OR2Z1: variants seen among roughly 807,000 people sequenced by gnomAD.
OR2Z1 encodes olfactory receptor 2Z1.
For missense variants in OR2Z1, 449 were observed against 401.8 expected, an observed-to-expected ratio of 1.12 and a Z score of -1.00; for synonymous variants, 188 against 160.6, an observed-to-expected ratio of 1.17 and a Z score of -1.29.
intron 2 of OR2Z1, among the ~76,000 whole-genome samples, chr19:8,725,234 A>G (rs1394310359): frequency 6.6e-6 from 1 of 152,030 alleles, no homozygotes; most frequent in African/African-American, 2.4e-5. Context: ...ACTCCCATAC[A>G]TCTTTGTTTT....
intron 2 of OR2Z1, chr19:8,729,090 C>CTT (rs35001928): frequency 9.9e-4 from 1,129 of 1,141,750 alleles, no homozygotes; most frequent in Non-Finnish European, 1.3e-3. Flanking sequence ...CATGTGGGAT[C>CTT]TTTTTTTTAG....
At chr19:8,728,094 C>T (rs1315025985) in intron 2 of OR2Z1, among the ~76,000 whole-genome samples, 1 of 152,202 alleles carries the variant, frequency 6.6e-6, no homozygotes, top group Non-Finnish European at 1.5e-5. Flanking sequence ...CACTCCTGTC[C>T]TCTTTGCTTT....
chr19:8,727,316 T>C (rs1386935720), intron 2 of OR2Z1, among the ~76,000 whole-genome samples: 1 of 152,178 alleles, frequency 6.6e-6, no homozygotes, highest in Non-Finnish European at 1.5e-5. Flanking sequence ...GAGACACTCT[T>C]CCTCAGCCCC....
intron 1 of OR2Z1, among the ~76,000 whole-genome samples, chr19:8,722,423 A>T (rs1470298139): frequency 6.6e-6 from 1 of 152,156 alleles, no homozygotes; most frequent in Non-Finnish European, 1.5e-5. Flanking sequence ...GAAGATAAAT[A>T]ATGTAGCTCC....
rs782266389 is a variant in OR2Z1 at position 8,731,817 on chromosome 19, C to G, written c.789C>G (p.Cys263Trp). 1 of 1,614,212 alleles carries G rather than the reference C, an allele frequency of 6.2e-7. No homozygotes were observed. Among genetic ancestry groups the G allele is most frequent in the South Asian group, 1.1e-5 (1 of 91,088 alleles). Residue 263 changes from cysteine (C) to tryptophan (W), a missense_variant, in exon 3 of 3, where the codon TGC (cysteine) becomes TGG (tryptophan). Transcript: ENST00000641125. Reference sequence around the variant, plus strand: ...CCGTGTTCATGTACATGGTGCCTTGCGCCTACCACAGTCCACAGCAGGATA... The same window carrying G: ...CCGTGTTCATGTACATGGTGCCTTGGGCCTACCACAGTCCACAGCAGGATA... ...GAAVFMYMVPCAYHSPQQDNV... is the reference protein window; with the variant it reads ...GAAVFMYMVPWAYHSPQQDNV...
Position 8,730,837 on chromosome 19 carries a change from CTGAT to C in OR2Z1, c.-169-21_-169-18del. ...ATCCCATGCCTTGGATAGACACTAA[CTGAT>C]TAAGTTTTCTCCCTCCAGCCTACTG... On this transcript the variant is annotated intron_variant, in intron 2 of 2. Coordinates refer to ENST00000641125, the MANE Select transcript of OR2Z1 (RefSeq NM_001004699.3). 1.7e-6 allele frequency: 1 copy of C among 605,262 alleles called. No homozygotes were observed. The highest frequency in any genetic ancestry group is 2.9e-5 in the Admixed American group (1 of 33,946). The allele number at this position is 605,262 out of a possible 1,614,324, so 37.5% of individuals were successfully genotyped here.
intron 1 of OR2Z1, among the ~76,000 whole-genome samples, chr19:8,722,770 A>G (rs2043312297): frequency 6.6e-6 from 1 of 152,142 alleles, no homozygotes. Context: ...TGTGAGGCCA[A>G]GATGGGGAGG....
rs2043350447 is a variant in OR2Z1, at chr19:8,731,040, G to A, written c.12G>A (p.Val4=). 1.9e-6 allele frequency: 3 copies of A among 1,614,012 alleles called. No individual in the cohort carries two copies. Among genetic ancestry groups the A allele is most frequent in the African/African-American group, 1.3e-5 (1 of 75,034 alleles). The change falls in exon 3 of 3, where the codon GTG becomes GTA. Residue 4 remains valine (V), a synonymous_variant. Transcript: ENST00000641125. MGD[V]NQSVASDFIL... is the part of the protein sequence containing the mutation. The stretch of plus-strand genomic sequence containing the variant: ...GCATTGTGTAAAACATGGGGGATGT[G>A]AATCAGTCGGTGGCCTCAGACTTCA...
chr19:8,727,572 A>C (rs1210971276), intron 2 of OR2Z1, among the ~76,000 whole-genome samples: 4 of 152,188 alleles, frequency 2.6e-5, no homozygotes, highest in Admixed American at 2.6e-4. Flanking sequence ...ATAAAAAAAA[A>C]CAACTCAGTT....
intron 2 of OR2Z1, among the ~76,000 whole-genome samples, chr19:8,728,040 G>A (rs1289128988): frequency 1.3e-5 from 2 of 152,198 alleles, no homozygotes; most frequent in East Asian, 3.8e-4. Flanking sequence ...ATAAATACTG[G>A]CGTAAAGCAA....
Position 8,731,678 on chromosome 19 carries a change from C to T in OR2Z1, c.650C>T (p.Ser217Phe). The T allele has an allele frequency of 6.2e-7, 1 of 1,614,228 alleles. No individual in the cohort carries two copies. The highest frequency in any genetic ancestry group is 1.1e-5 in the South Asian group (1 of 91,088). The change falls in exon 3 of 3, where the codon TCC (serine) becomes TTC (phenylalanine). Residue 217 changes from serine to phenylalanine, a missense_variant. Coordinates refer to ENST00000641125, the MANE Select transcript of OR2Z1 (RefSeq NM_001004699.3). ...CTCCCTCTTTCCCTCATCGCCACCT[C>T]CTACGGCCACGTGTTGCAGGCTGTT... ...LMLPLSLIAT[S>F]YGHVLQAVLS...
intron 2 of OR2Z1, among the ~76,000 whole-genome samples, chr19:8,727,877 A>T (rs987906605): frequency 8.5e-5 from 13 of 152,218 alleles, no homozygotes; most frequent in African/African-American, 2.2e-4. Flanking sequence ...AACCAAAACA[A>T]AACCAAACCA....
At chr19:8,730,727 A>T in intron 2 of OR2Z1, 133 bp from the exon 3 acceptor site, 1 of 382,952 alleles carries the variant, frequency 2.6e-6, no homozygotes, top group Non-Finnish European at 4.7e-6. Context: ...CGAACCTCAA[A>T]TTTTTCACTA....
At chr19:8,727,693 C>CCTGT (rs2043333404) in intron 2 of OR2Z1, among the ~76,000 whole-genome samples, 1 of 152,210 alleles carries the variant, frequency 6.6e-6, no homozygotes, top group African/African-American at 2.4e-5. Flanking sequence ...ATGGTGAAAC[C>CCTGT]CTGTCTCTAC....
Position 8,731,603 on chromosome 19 carries a change from C to T in OR2Z1, c.575C>T (p.Thr192Ile). 6.2e-7 allele frequency: 1 copy of T among 1,613,504 alleles called. No homozygotes were observed. Among genetic ancestry groups the T allele is most frequent in the Non-Finnish European group, 8.5e-7 (1 of 1,180,010 alleles). The change falls in exon 3 of 3, where the codon ACC becomes ATC. Residue 192 changes from threonine (T) to isoleucine (I), a missense_variant. Physicochemically the swap from Thr to Ile is moderately conservative, Grantham distance 89. Coordinates refer to ENST00000641125, the MANE Select transcript of OR2Z1 (RefSeq NM_001004699.3). Reference protein sequence around the residue: ...PALLKLSCADTCAYEMALSTS... With the variant: ...PALLKLSCADICAYEMALSTS... The stretch of plus-strand genomic sequence containing the variant: ...CTACTGAAGCTCTCCTGTGCAGATA[C>T]CTGTGCCTACGAGATGGCGCTGTCC...
chr19:8,729,782 G>T (rs1393779120), intron 2 of OR2Z1, among the ~76,000 whole-genome samples: 5 of 152,060 alleles, frequency 3.3e-5, no homozygotes, highest in African/African-American at 1.2e-4. Context: ...TAGAGATGGG[G>T]TTTCTCCATG....
chr19:8,724,201 C>G (rs1159167462), intron 2 of OR2Z1, among the ~76,000 whole-genome samples: 1 of 150,928 alleles, frequency 6.6e-6, no homozygotes, highest in Non-Finnish European at 1.5e-5. Context: ...TTCTCATCCC[C>G]AAAATTCATA....
chr19:8,722,089 C>T (rs2043309990), intron 1 of OR2Z1, 47 bp downstream of exon 1: 1 of 152,140 alleles, frequency 6.6e-6, no homozygotes, highest in South Asian at 2.1e-4. Context: ...AACTTTAGTT[C>T]CAACAATCAT....
Position 8,731,771 on chromosome 19 carries a change from T to C in OR2Z1, c.743T>C (p.Val248Ala), listed in dbSNP as rs782628937. The C allele has an allele frequency of 1.1e-5, 17 of 1,614,118 alleles. No individual in the cohort carries two copies. The highest frequency in any genetic ancestry group is 1.4e-5 in the Non-Finnish European group (17 of 1,180,048). The change falls in exon 3 of 3, where the codon GTG becomes GCG. Residue 248 changes from valine to alanine, a missense_variant. By Grantham distance (64) the Val-to-Ala change is moderately conservative. Transcript: ENST00000641125. ...VTTCSSHITV[V>A]GLFYGAAVFM... ...ACCTGCTCCTCGCACATCACGGTAG[T>C]GGGGCTCTTTTATGGTGCCGCCGTG...
Sources: gnomAD v4.1 joint callset for allele counts (sites outside exome capture counted in the v4.1 genomes callset) on GRCh38, gnomAD v4.1.1 for gene constraint, MANE v1.5 for transcripts, NCBI Gene and HGNC (gene_info 2026-07-23, HGNC 2026-07-21) for gene names.